Variants in KIF27 observed in about 807,000 individuals in gnomAD.
The protein encoded by KIF27 is kinesin family member 27, also known as kinesin-like protein KIF27.
In KIF27, 84 loss-of-function variants were observed where a neutral mutation model predicts 141.8. The observed-to-expected ratio is 0.59, with a 90% CI of 0.50 to 0.71. The LOEUF is 0.71. KIF27 is among the 30% of genes least tolerant of loss of function. The probability of loss-of-function intolerance (pLI) is 0.00; values close to 1 mark genes in which losing one functional copy is unlikely to be tolerated. For missense variants in KIF27, 1,306 were observed against 1,628.4 expected (o/e 0.80, Z 3.41); for synonymous variants, 471 against 569.5 (o/e 0.83, Z 2.46).
chr9:83,914,846 A>G (rs1955535140), intron 2 of KIF27, among the ~76,000 whole-genome samples: 1 of 152,190 alleles, frequency 6.6e-6, no homozygotes, highest in South Asian at 2.1e-4. Flanking sequence ...TTATGTCCTA[A>G]AATATTCAGA....
At chr9:83,890,173 G>A (rs1225292320) in intron 6 of KIF27, among the ~76,000 whole-genome samples, 2 of 152,074 alleles carry the variant, frequency 1.3e-5, no homozygotes, top group South Asian at 4.1e-4. Context: ...ATAGGCCCCC[G>A]TCATGTATTC....
chr9:83,861,340 C>T (rs1037315708), intron 13 of KIF27, among the ~76,000 whole-genome samples: 1 of 151,974 alleles, frequency 6.6e-6, no homozygotes, highest in Non-Finnish European at 1.5e-5. Context: ...TTCCCCCACC[C>T]CACAACAGGC....
At chr9:83,857,129 A>C (rs1949317922) in intron 14 of KIF27, among the ~76,000 whole-genome samples, 1 of 151,944 alleles carries the variant, frequency 6.6e-6, no homozygotes, top group African/African-American at 2.4e-5. Context: ...ATTGTTGGGT[A>C]ATCTTCTATT....
chr9:83,848,108 T>TGA lies in KIF27; in HGVS notation c.3556+1990_3556+1991insTC, dbSNP rs1455249256. ...TCATATATATGATATATATGATATC[T>TGA]CATATCTGATATATCTGATATCTCA... On this transcript the variant is annotated intron_variant, in intron 16 of 17. Transcript: ENST00000297814. Among the ~76,000 whole-genome samples, 27 of 52,644 alleles carry TGA rather than the reference T, an allele frequency of 5.1e-4. 4 individuals are homozygous for TGA. Among genetic ancestry groups the TGA allele is most frequent in the African/African-American group, 3.8e-3 (27 of 7,084 alleles). The allele number at this position is 52,644 out of a possible 152,430, so 34.5% of individuals were successfully genotyped here.
intron 17 of KIF27, chr9:83,838,916 C>T (rs1487076940): frequency 2.0e-5 from 3 of 152,148 alleles, no homozygotes; most frequent in Admixed American, 6.5e-5. Flanking sequence ...TCTAGATCCT[C>T]GTACATGGAA....
At chr9:83,909,611 C>CA (rs535947964) in intron 2 of KIF27, among the ~76,000 whole-genome samples, 17,222 of 69,882 alleles carry the variant, frequency 0.25, 1,260 homozygotes, top group African/African-American at 0.27. Context: ...GAAACTGTCT[C>CA]AAAAAAAAAA....
At chr9:83,871,749 A>T (rs1419586835) in intron 11 of KIF27, among the ~76,000 whole-genome samples, 1 of 150,778 alleles carries the variant, frequency 6.6e-6, no homozygotes, top group Non-Finnish European at 1.5e-5. Context: ...ATGCAATGGC[A>T]TAATCTTGGC....
intron 1 of KIF27, 129 bp from the exon 2 acceptor site, chr9:83,915,807 C>A: frequency 2.0e-6 from 1 of 495,888 alleles, no homozygotes; most frequent in Non-Finnish European, 3.5e-6. Context: ...AAAGAGTAAG[C>A]CTGTCTTGTA....
chr9:83,879,809 C>A (rs962531700), intron 11 of KIF27, among the ~76,000 whole-genome samples: 1 of 152,196 alleles, frequency 6.6e-6, no homozygotes, highest in Non-Finnish European at 1.5e-5. Context: ...CCTAGGCTGA[C>A]ACCACTAAGT....
chr9:83,897,141 TG>T lies in KIF27; in HGVS notation c.1602+2519del, dbSNP rs199995306. Among the ~76,000 whole-genome samples the T allele has an allele frequency of 2.7e-3, 412 of 152,206 alleles. 12 individuals carry two copies. Among genetic ancestry groups the T allele is most frequent in the Admixed American group, 0.025 (382 of 15,302 alleles). The stretch of plus-strand genomic sequence containing the variant: ...TTTAAAAATTAAAATAAAATTTATA[TG>T]GAACAACCAAGACATCTGGGGAGTG... On this transcript the variant is annotated intron_variant, in intron 5 of 17. Coordinates refer to ENST00000297814, the MANE Select transcript of KIF27 (RefSeq NM_017576.4).
At chr9:83,862,005 C>T (rs1208847107) in intron 13 of KIF27, among the ~76,000 whole-genome samples, 15 of 152,174 alleles carry the variant, frequency 9.9e-5, no homozygotes, top group African/African-American at 3.1e-4. Flanking sequence ...TCATATCCTT[C>T]GCCCACTTGT....
At chr9:83,859,989 C>T (rs1451837793) in intron 13 of KIF27, 2 of 152,034 alleles carry the variant, frequency 1.3e-5, no homozygotes, top group Non-Finnish European at 2.9e-5. Context: ...TCTTTCTTGG[C>T]TTACATTCTA....
intron 7 of KIF27, 36 bp from the exon 8 acceptor site, chr9:83,888,628 G>A (rs766523609): frequency 4.5e-5 from 56 of 1,257,138 alleles, no homozygotes; most frequent in African/African-American, 1.9e-4. Context: ...TTATTTGTTC[G>A]TGTTTTCTAA....
Position 83,903,050 on chromosome 9 carries a change from G to T in KIF27, c.1458+10C>A. The stretch of plus-strand genomic sequence containing the variant: ...ATAAATAAATAAATAAATAAGTGAT[G>T]TCTAAGTACCTGGCATTTCTTAAGC... On this transcript the variant is annotated intron_variant, in intron 4 of 17. Coordinates refer to ENST00000297814, the MANE Select transcript of KIF27 (RefSeq NM_017576.4). 2 of 1,520,606 alleles carry T rather than the reference G, an allele frequency of 1.3e-6. No individual in the cohort carries two copies. The highest frequency in any genetic ancestry group is 1.8e-6 in the Non-Finnish European group (2 of 1,108,160). 94.2% of individuals were successfully genotyped at this position (1,520,606 alleles called of 1,614,324 possible).
intron 3 of KIF27, among the ~76,000 whole-genome samples, chr9:83,907,502 A>T (rs1226800543): frequency 1.3e-5 from 2 of 152,110 alleles, no homozygotes; most frequent in Non-Finnish European, 2.9e-5. Flanking sequence ...CCAGAAAAGC[A>T]TAAATTGTTA....
At chr9:83,848,180 TATATGATATATATGATATATCAG>T (rs1564285184) in intron 16 of KIF27, among the ~76,000 whole-genome samples, 9 of 33,108 alleles carry the variant, frequency 2.7e-4, no homozygotes, top group East Asian at 1.2e-3. Flanking sequence ...TGATATATCA[TATATGATATATATGATATATCAG>T]ATATGATATA....
intron 13 of KIF27, among the ~76,000 whole-genome samples, chr9:83,861,274 C>T (rs1214836362): frequency 1.3e-5 from 2 of 151,924 alleles, no homozygotes; most frequent in Non-Finnish European, 1.5e-5. Flanking sequence ...TGGTGTGCTG[C>T]ACCCATTAAC....
chr9:83,870,413 C>A, intron 12 of KIF27, 106 bp downstream of exon 12: 1 of 1,494,110 alleles, frequency 6.7e-7, no homozygotes, highest in Non-Finnish European at 9.0e-7. Flanking sequence ...GTGATCCACC[C>A]ACCTCGGCGT....
intron 5 of KIF27, among the ~76,000 whole-genome samples, chr9:83,895,795 C>T (rs1298894432): frequency 2.0e-5 from 3 of 152,018 alleles, no homozygotes; most frequent in Admixed American, 6.6e-5. Flanking sequence ...CGGTGGCTAA[C>T]GCCTGTAATC....
Sources: allele counts gnomAD v4.1 joint callset (sites outside exome capture counted in the v4.1 genomes callset), GRCh38; gene constraint gnomAD v4.1.1; transcripts MANE v1.5; gene names NCBI Gene and HGNC (gene_info 2026-07-23, HGNC 2026-07-21).